The following TMEM131L variants were observed in gnomAD, a reference collection of about 807,000 sequenced individuals.
The protein encoded by TMEM131L is transmembrane 131 like, also known as transmembrane protein 131-like.
TMEM131L carries 54 observed loss-of-function variants against 192.2 expected under a neutral mutation model. The ratio of observed to expected loss-of-function variants is 0.28; its 90% CI spans 0.23 to 0.35. The LOEUF (loss-of-function observed/expected upper bound fraction) is 0.35, where lower values mean the gene tolerates loss of function less well. Among genes scored for constraint, TMEM131L ranks in the 10% least tolerant of loss-of-function variants. The pLI is 1.00. For synonymous variants in TMEM131L, 701 were observed against 704.9 expected (o/e 0.99, Z 0.09); for missense variants, 1,888 against 1,972.9 (o/e 0.96, Z 0.82).
chr4:153,527,694 T>C (rs534224942), intron 3 of TMEM131L, among the ~76,000 whole-genome samples: 1 of 152,178 alleles, frequency 6.6e-6, no homozygotes, highest in South Asian at 2.1e-4. Flanking sequence ...TATAACTTGT[T>C]GCCAGTGAAA....
At chr4:153,622,462 C>T (rs976631773) in intron 28 of TMEM131L, among the ~76,000 whole-genome samples, 1 of 152,218 alleles carries the variant, frequency 6.6e-6, no homozygotes, top group Non-Finnish European at 1.5e-5. Flanking sequence ...ATTCCCTTGA[C>T]ACGTGTGTGT....
At chr4:153,484,214 T>C (rs971606863) in intron 3 of TMEM131L, among the ~76,000 whole-genome samples, 19 of 152,030 alleles carry the variant, frequency 1.2e-4, no homozygotes, top group African/African-American at 4.3e-4. Context: ...ATAGTAATTT[T>C]CCCCCCAATC....
chr4:153,508,576 T>C (rs915588029), intron 3 of TMEM131L, among the ~76,000 whole-genome samples: 1 of 152,184 alleles, frequency 6.6e-6, no homozygotes, highest in Non-Finnish European at 1.5e-5. Context: ...ATCTGTATCG[T>C]TGATAATGTT....
chr4:153,598,674 TGCAGGAG>T lies in TMEM131L; in HGVS notation c.2211_2217del (p.Gly738HisfsTer11). On this transcript the variant is annotated frameshift_variant, in exon 21 of 35. Transcript: ENST00000409959. LOFTEE classifies it high-confidence loss of function. ...TAAAAGTGGGTGGAAGACTTCCTGGTGCAGGAGGCTCACTCCGATTTAAGGTGCCCGA... is the reference window on the plus strand; with the variant it reads ...TAAAAGTGGGTGGAAGACTTCCTGGTGCTCACTCCGATTTAAGGTGCCCGA... 5 of 1,614,004 alleles carry T rather than the reference TGCAGGAG, an allele frequency of 3.1e-6. No homozygotes were observed. The highest frequency in any genetic ancestry group is 4.2e-6 in the Non-Finnish European group (5 of 1,179,934).
In TMEM131L at chr4:153,507,720, AAAAC is replaced by A. The variant is rs371616303; in HGVS notation, c.239+33844_239+33847del. Among the ~76,000 whole-genome samples, 43 of 152,270 alleles carry A rather than the reference AAAAC, an allele frequency of 2.8e-4. No individual in the cohort carries two copies. The East Asian group carries it at 6.6e-3, about 23-fold the overall frequency. The stretch of plus-strand genomic sequence containing the variant: ...ATTCAGGAGTGAGATGCAAAACAAA[AAAAC>A]AAACAAACAAAAAACCAGGGAACGC... On this transcript the variant is annotated intron_variant, in intron 3 of 34. Coordinates refer to ENST00000409959, the MANE Select transcript of TMEM131L (RefSeq NM_001131007.2).
At chr4:153,537,932 A>G (rs746724325) in intron 3 of TMEM131L, among the ~76,000 whole-genome samples, 4 of 152,276 alleles carry the variant, frequency 2.6e-5, no homozygotes, top group South Asian at 4.1e-4. Context: ...GCAAGATGCA[A>G]CTTTCCCTGA....
At chr4:153,610,586 T>G (rs1469024212) in intron 25 of TMEM131L, among the ~76,000 whole-genome samples, 1 of 152,260 alleles carries the variant, frequency 6.6e-6, no homozygotes, top group Admixed American at 6.5e-5. Flanking sequence ...TTGCCTGGCA[T>G]TTTTATGGTT....
intron 3 of TMEM131L, among the ~76,000 whole-genome samples, chr4:153,536,553 G>GA (rs956056916): frequency 3.3e-5 from 5 of 152,234 alleles, no homozygotes; most frequent in African/African-American, 1.2e-4. Context: ...AAGAAATCCT[G>GA]AAACACTTTG....
At chr4:153,562,876 C>A (rs1728934829) in intron 7 of TMEM131L, among the ~76,000 whole-genome samples, 1 of 152,114 alleles carries the variant, frequency 6.6e-6, no homozygotes, top group Admixed American at 6.5e-5. Context: ...TCAGTTGAAT[C>A]ATTATGAAAA....
At chr4:153,519,864 A>T (rs17369876) in intron 3 of TMEM131L, among the ~76,000 whole-genome samples, 1,659 of 152,324 alleles carry the variant, frequency 0.011, 13 homozygotes, top group Middle Eastern at 0.034. Flanking sequence ...GATACTGTGG[A>T]TGAATAGGGA....
intron 3 of TMEM131L, among the ~76,000 whole-genome samples, chr4:153,516,426 C>T (rs532222157): frequency 3.8e-4 from 58 of 152,130 alleles, no homozygotes; most frequent in African/African-American, 1.3e-3. Context: ...GACAGGGTTT[C>T]GCCATATTAC....
intron 26 of TMEM131L, 44 bp downstream of exon 26, chr4:153,612,444 T>C: frequency 6.9e-7 from 1 of 1,443,284 alleles, no homozygotes; most frequent in Non-Finnish European, 9.4e-7. Flanking sequence ...AATCCATTTT[T>C]AGGACTGTGT....
chr4:153,584,708 C>T (rs1265257367), intron 11 of TMEM131L, 127 bp from the exon 12 acceptor site: 1 of 555,912 alleles, frequency 1.8e-6, no homozygotes, highest in Non-Finnish European at 3.1e-6. Context: ...CCTTTTATGT[C>T]TGATTCACTA....
intron 3 of TMEM131L, among the ~76,000 whole-genome samples, chr4:153,515,727 C>G (rs1734684343): frequency 1.3e-5 from 2 of 152,124 alleles, no homozygotes; most frequent in Non-Finnish European, 2.9e-5. Context: ...ATGATAGTTG[C>G]AATTTTTCTA....
At chr4:153,486,103 A>C (rs1215735765) in intron 3 of TMEM131L, among the ~76,000 whole-genome samples, 1 of 152,206 alleles carries the variant, frequency 6.6e-6, no homozygotes, top group East Asian at 1.9e-4. Context: ...GATGGAAGCA[A>C]CTGAATACTT....
intron 7 of TMEM131L, among the ~76,000 whole-genome samples, chr4:153,563,940 G>A (rs1365546612): frequency 6.6e-6 from 1 of 152,096 alleles, no homozygotes; most frequent in Non-Finnish European, 1.5e-5. Flanking sequence ...TGGGGCCCTT[G>A]CGAGGTGACC....
rs1371861876 is a variant in TMEM131L, at chr4:153,555,782, C to T, written c.309-5C>T. ...ATTGATTTTTCTCTTTGTTTCTCCT[C>T]CTAGGTTCCTGGGACATCCTGTAGC... On this transcript the variant is annotated splice_polypyrimidine_tract_variant and splice_region_variant and intron_variant, in intron 4 of 34. Transcript: ENST00000409959. The surrounding 1 kb of genome is among the most constrained non-coding windows in gnomAD (Gnocchi z 4.1). The T allele has an allele frequency of 1.3e-6, 2 of 1,550,324 alleles. No individual in the cohort carries two copies. Among genetic ancestry groups the T allele is most frequent in the Middle Eastern group, 1.7e-4 (1 of 5,990 alleles).
chr4:153,553,689 T>C (rs1737802333), intron 4 of TMEM131L, among the ~76,000 whole-genome samples: 1 of 152,190 alleles, frequency 6.6e-6, no homozygotes, highest in African/African-American at 2.4e-5. Flanking sequence ...TTGATTTTCC[T>C]GGGGGGTTGT....
At chr4:153,579,185 G>A (rs1330597477) in intron 7 of TMEM131L, among the ~76,000 whole-genome samples, 1 of 151,594 alleles carries the variant, frequency 6.6e-6, no homozygotes, top group Non-Finnish European at 1.5e-5. Flanking sequence ...ATATGGTGAA[G>A]CTCCGTCTCT....
Sources: allele counts gnomAD v4.1 joint callset (sites outside exome capture counted in the v4.1 genomes callset), GRCh38; gene constraint gnomAD v4.1.1; non-coding constraint Gnocchi (gnomAD v3.1); transcripts MANE v1.5; gene names NCBI Gene and HGNC (gene_info 2026-07-23, HGNC 2026-07-21).